The following L3MBTL3 variants were observed in gnomAD, a reference collection of about 807,000 sequenced individuals.
L3MBTL3 encodes the protein L3MBTL histone methyl-lysine binding protein 3, also known as lethal(3)malignant brain tumor-like protein 3.
L3MBTL3 carries 27 observed loss-of-function variants against 102.3 expected under a neutral mutation model. That is an observed-to-expected ratio of 0.26 (90% confidence interval 0.19 to 0.36). L3MBTL3 has a LOEUF of 0.36. L3MBTL3 is among the 10% of genes least tolerant of loss of function. The pLI is 1.00. For synonymous variants in L3MBTL3, 340 were observed against 320.9 expected (o/e 1.06, Z -0.64); for missense variants, 798 against 955.3 (o/e 0.84, Z 2.17).
At chr6:130,030,740 T>G (rs1222044965) in intron 2 of L3MBTL3, among the ~76,000 whole-genome samples, 1 of 150,780 alleles carries the variant, frequency 6.6e-6, no homozygotes, top group Non-Finnish European at 1.5e-5. Context: ...GCTGTTACAT[T>G]AAGTTGTCTT....
intron 2 of L3MBTL3, among the ~76,000 whole-genome samples, chr6:130,036,898 C>T (rs1290776871): frequency 2.0e-5 from 3 of 152,088 alleles, no homozygotes; most frequent in Non-Finnish European, 4.4e-5. Context: ...AAAGATTAAA[C>T]GATGGTTAAC....
In L3MBTL3 at chr6:130,049,793, A is replaced by G. The variant is rs770118837; in HGVS notation, c.252A>G (p.Pro84=). 1.2e-6 allele frequency: 2 copies of G among 1,613,786 alleles called. No individual in the cohort carries two copies. The highest frequency in any genetic ancestry group is 1.7e-6 in the Non-Finnish European group (2 of 1,179,886). The change falls in exon 5 of 23, where the codon CCA becomes CCG. Residue 84 remains proline, a synonymous_variant. Transcript: ENST00000361794. ...CCCCGAGCTCCAGGCCCGTATTTCC[A>G]CCTGCCTACTGGACATCTCCACCTG... ...TSPPSSRPVF[P]PAYWTSPPGC... is the part of the protein sequence containing the mutation.
chr6:130,099,512 A>T (rs935552278), intron 18 of L3MBTL3, among the ~76,000 whole-genome samples: 9 of 152,198 alleles, frequency 5.9e-5, no homozygotes, highest in Non-Finnish European at 1.0e-4. Context: ...TCTGTACATA[A>T]CAGAACAAAT....
At position 130,140,598 on chromosome 6, in the gene L3MBTL3, G is replaced by A. The variant is rs1166883293; in HGVS notation, c.*845G>A. 6.6e-6 allele frequency: 1 copy of A among 152,156 alleles called. No homozygotes were observed. The highest frequency in any genetic ancestry group is 1.5e-5 in the Non-Finnish European group (1 of 68,028). 9.4% of individuals were successfully genotyped at this position (152,156 alleles called of 1,614,324 possible). The stretch of plus-strand genomic sequence containing the variant: ...ACGCAGTTGTATGCAGTTATGGTTG[G>A]GGGGAATGTTTGTGAGGGTCTTGAA... On this transcript the variant is annotated 3_prime_UTR_variant, in exon 23 of 23. Transcript: ENST00000361794.
intron 10 of L3MBTL3, 103 bp downstream of exon 10, chr6:130,060,243 C>A: frequency 1.5e-6 from 1 of 662,482 alleles, no homozygotes; most frequent in African/African-American, 1.8e-5. Context: ...AGGCATGGTG[C>A]TTACTGTTTT....
Position 130,083,651 on chromosome 6 carries a change from T to G in L3MBTL3, c.1353T>G (p.Asp451Glu), listed in dbSNP as rs1223833944. The change falls in exon 15 of 23, where the codon GAT (aspartate) becomes GAG (glutamate). Residue 451 changes from aspartate to glutamate, a missense_variant. This residue lies in a region of L3MBTL3 where 306 missense variants were observed against 314.4 expected (regional missense o/e 0.97). Transcript: ENST00000361794. The stretch of plus-strand genomic sequence containing the variant: ...CAAATGTGAAACATTTTTCTTGGGA[T>G]AAATACTTAGAAGAAACCAATTCTT... Reference protein sequence around the residue: ...GYPNVKHFSWDKYLEETNSLP... With the variant: ...GYPNVKHFSWEKYLEETNSLP... 2 of 1,544,190 alleles carry G rather than the reference T, an allele frequency of 1.3e-6. 1 individual carries two copies. The highest frequency in any genetic ancestry group is 2.8e-5 in the African/African-American group (2 of 70,410).
intron 12 of L3MBTL3, 30 bp from the exon 13 acceptor site, chr6:130,070,946 A>G: frequency 2.5e-6 from 4 of 1,602,598 alleles, no homozygotes; most frequent in Non-Finnish European, 3.4e-6. Flanking sequence ...GTGTGTGCTT[A>G]TCTCTAATTA....
At chr6:130,110,623 A>AATC (rs1293594929) in intron 19 of L3MBTL3, among the ~76,000 whole-genome samples, 1 of 152,190 alleles carries the variant, frequency 6.6e-6, no homozygotes, top group Non-Finnish European at 1.5e-5. Flanking sequence ...CTAAATATAC[A>AATC]ATCATGTCGT....
At chr6:130,076,132 T>G (rs532786871) in intron 13 of L3MBTL3, among the ~76,000 whole-genome samples, 12 of 152,260 alleles carry the variant, frequency 7.9e-5, no homozygotes, top group South Asian at 2.1e-4. Flanking sequence ...AGTAATAAAT[T>G]GGTAGAGTCA....
intron 2 of L3MBTL3, among the ~76,000 whole-genome samples, chr6:130,037,232 A>G (rs1229985261): frequency 1.3e-5 from 2 of 152,208 alleles, no homozygotes; most frequent in Non-Finnish European, 2.9e-5. Context: ...CAGGATAGTC[A>G]CAGCTGACAA....
chr6:130,082,870 G>T (rs1157145727), intron 14 of L3MBTL3, among the ~76,000 whole-genome samples: 1 of 152,154 alleles, frequency 6.6e-6, no homozygotes, highest in Non-Finnish European at 1.5e-5. Context: ...TATGCCATTA[G>T]TTCCAATTCA....
At chr6:130,137,800 C>T (rs188394670) in intron 22 of L3MBTL3, 50 of 152,294 alleles carry the variant, frequency 3.3e-4, no homozygotes, top group African/African-American at 1.2e-3. Context: ...ATAAGGCTGT[C>T]CATTGTACTA....
intron 2 of L3MBTL3, among the ~76,000 whole-genome samples, chr6:130,029,350 TTC>T (rs1489054226): frequency 4.6e-5 from 7 of 152,182 alleles, no homozygotes; most frequent in Admixed American, 1.3e-4. Context: ...TCACAGCACT[TTC>T]TGTTTGCCTG....
chr6:130,090,393 C>G (rs958483598), intron 16 of L3MBTL3, among the ~76,000 whole-genome samples: 1 of 152,040 alleles, frequency 6.6e-6, no homozygotes, highest in African/African-American at 2.4e-5. Flanking sequence ...AATAGCTTTC[C>G]AGGAATATCT....
At chr6:130,037,900 T>C (rs944006000) in intron 2 of L3MBTL3, among the ~76,000 whole-genome samples, 3 of 152,174 alleles carry the variant, frequency 2.0e-5, no homozygotes, top group Admixed American at 1.3e-4. Flanking sequence ...TGTAGTTTTA[T>C]ACCAGTTAAT....
Position 130,052,907 on chromosome 6 carries a change from T to A in L3MBTL3, c.498T>A (p.Asp166Glu). Residue 166 changes from aspartate (D) to glutamate (E), a missense_variant, in exon 7 of 23, where the codon GAT becomes GAA. Asp to Glu is a conservative substitution (Grantham distance 45). Transcript: ENST00000361794. ...RDVEEDNEEE[D>E]PKCSRKKKPK... ...TAGAAGAAGACAATGAGGAAGAAGA[T>A]CCTAAGTGTAGTCGGAAGAAAAAAC... 1.9e-6 allele frequency: 3 copies of A among 1,613,942 alleles called. No individual in the cohort carries two copies. The highest frequency in any genetic ancestry group is 2.5e-6 in the Non-Finnish European group (3 of 1,179,880).
intron 19 of L3MBTL3, among the ~76,000 whole-genome samples, chr6:130,116,135 A>C (rs1291945090): frequency 6.6e-6 from 1 of 152,112 alleles, no homozygotes; most frequent in Non-Finnish European, 1.5e-5. Context: ...AGGTTAGTTA[A>C]AGACAACAGG....
chr6:130,123,369 T>G (rs1411114385), intron 20 of L3MBTL3, among the ~76,000 whole-genome samples: 1 of 152,126 alleles, frequency 6.6e-6, no homozygotes, highest in Non-Finnish European at 1.5e-5. Flanking sequence ...ATTTTTATTG[T>G]TTTTTTACCT....
intron 5 of L3MBTL3, among the ~76,000 whole-genome samples, 182 bp from the exon 6 acceptor site, chr6:130,051,067 A>T (rs551063037): frequency 6.6e-6 from 1 of 152,306 alleles, no homozygotes; most frequent in South Asian, 2.1e-4. Flanking sequence ...TATTTGAATG[A>T]CTTGAGTGAT....
Sources: allele counts gnomAD v4.1 joint callset (sites outside exome capture counted in the v4.1 genomes callset), GRCh38; gene constraint gnomAD v4.1.1; regional missense constraint gnomAD v4.1.1; transcripts MANE v1.5; gene names NCBI Gene and HGNC (gene_info 2026-07-23, HGNC 2026-07-21).